The following HSPA12A variants were observed in gnomAD, a reference collection of about 807,000 sequenced individuals.
HSPA12A encodes heat shock 70 kDa protein 12A.
A neutral mutation model predicts 69.2 loss-of-function variants in HSPA12A; 28 were observed. The ratio of observed to expected loss-of-function variants is 0.40; its 90% confidence interval spans 0.30 to 0.55. The LOEUF (loss-of-function observed/expected upper bound fraction) is 0.55. HSPA12A is among the 20% of genes least tolerant of loss of function. HSPA12A has a pLI of 0.38. For synonymous variants in HSPA12A, 345 were observed against 370.5 expected (o/e 0.93, Z 0.79); for missense variants, 686 against 900.7 (o/e 0.76, Z 3.05).
chr10:116,731,257 A>G (rs1004155), intron 1 of HSPA12A, among the ~76,000 whole-genome samples: 147,111 of 152,308 alleles, frequency 0.97, 71,267 homozygotes, highest in East Asian at 1. Context: ...TTCTCTGGCC[A>G]GAGGAAGCCA....
At chr10:116,745,584 C>T (rs1209931564), upstream of HSPA12A, among the ~76,000 whole-genome samples, 1 of 152,194 alleles carries the variant, frequency 6.6e-6, no homozygotes, top group Non-Finnish European at 1.5e-5. Flanking sequence ...AGCCAAGTGA[C>T]CACCTTCTAG....
intron 6 of HSPA12A, among the ~76,000 whole-genome samples, 163 bp from the exon 7 acceptor site, chr10:116,684,125 C>T (rs142569451): frequency 1.2e-3 from 186 of 152,256 alleles, no homozygotes; most frequent in African/African-American, 4.4e-3. Flanking sequence ...CAGGGTGCCT[C>T]GGTACTGGGC....
chr10:116,704,377 G>A (rs61872838), intron 3 of HSPA12A, among the ~76,000 whole-genome samples: 1 of 150,654 alleles, frequency 6.6e-6, no homozygotes, highest in Non-Finnish European at 1.5e-5. Context: ...ACCAAACACC[G>A]CATGTTCTCA....
rs782642616 is a variant in HSPA12A at position 116,681,304 on chromosome 10, TCTGAAACAAG to T, written c.923-58_923-49del. ...TTACACAGACTGTTTGCCAACCCCA[TCTGAAACAAG>T]CTTGTGGGTGGTAACTAGGTAGACC... On this transcript the variant is annotated intron_variant, in intron 8 of 11. Coordinates refer to ENST00000369209, the MANE Select transcript of HSPA12A (RefSeq NM_025015.3). 2.0e-6 allele frequency: 3 copies of T among 1,494,176 alleles called. No individual in the cohort carries two copies. The Admixed American group carries it at 5.0e-5, about 25-fold the overall frequency. 92.6% of individuals were successfully genotyped at this position (1,494,176 alleles called of 1,614,324 possible).
At chr10:116,823,754 A>C (rs1845449046) in intron 2 of HSPA12A, among the ~76,000 whole-genome samples, 1 of 152,230 alleles carries the variant, frequency 6.6e-6, no homozygotes, top group Admixed American at 6.5e-5. Context: ...TTCTAAATGC[A>C]CAAAAAGCCG....
chr10:116,797,810 G>A (rs7904582), intron 2 of HSPA12A, among the ~76,000 whole-genome samples: 2,459 of 152,196 alleles, frequency 0.016, 63 homozygotes, highest in African/African-American at 0.053. Context: ...CAGTGCAACA[G>A]GAACACACAG....
At chr10:116,709,593 A>G (rs1850365265) in intron 1 of HSPA12A, among the ~76,000 whole-genome samples, 1 of 152,222 alleles carries the variant, frequency 6.6e-6, no homozygotes, top group Non-Finnish European at 1.5e-5. Context: ...AAATACATGG[A>G]TGCAAAAGGA....
chr10:116,835,137 G>T, intron 1 of HSPA12A: 1 of 511,992 alleles, frequency 2.0e-6, no homozygotes, highest in Non-Finnish European at 2.9e-6. Flanking sequence ...CCCGGCAGGA[G>T]GGAAGCAAAG....
At chr10:116,788,140 GTC>G (rs1411556849) in intron 2 of HSPA12A, among the ~76,000 whole-genome samples, 7 of 152,286 alleles carry the variant, frequency 4.6e-5, no homozygotes, top group Admixed American at 2.6e-4. Context: ...CGTACATCCT[GTC>G]TCTACTCTGG....
chr10:116,822,689 T>A (rs1202849445), intron 2 of HSPA12A, among the ~76,000 whole-genome samples: 2 of 152,208 alleles, frequency 1.3e-5, no homozygotes, highest in Non-Finnish European at 2.9e-5. Flanking sequence ...CAAGCCTCTA[T>A]CCTTTGCAAA....
At chr10:116,799,817 ACTCC>A (rs1428420048) in intron 2 of HSPA12A, among the ~76,000 whole-genome samples, 1 of 151,846 alleles carries the variant, frequency 6.6e-6, no homozygotes, top group African/African-American at 2.4e-5. Flanking sequence ...TGAGCAACCC[ACTCC>A]CCTTCATTCA....
intron 1 of HSPA12A, among the ~76,000 whole-genome samples, chr10:116,722,380 G>A (rs1414271148): frequency 2.0e-5 from 3 of 152,166 alleles, no homozygotes; most frequent in Non-Finnish European, 2.9e-5. Context: ...ACACCCACAC[G>A]AGCCCACGGC....
chr10:116,827,866 G>T (rs1257713398), intron 2 of HSPA12A, among the ~76,000 whole-genome samples: 2 of 152,166 alleles, frequency 1.3e-5, no homozygotes, highest in Non-Finnish European at 2.9e-5. Flanking sequence ...TGCGGCAGAC[G>T]GTGGAAGCCA....
Position 116,679,635 on chromosome 10 carries a change from G to T in HSPA12A, c.1154C>A (p.Ala385Glu). Residue 385 changes from alanine to glutamate, a missense_variant, in exon 10 of 12, where the codon GCG (alanine) becomes GAG (glutamate). Coordinates refer to ENST00000369209, the MANE Select transcript of HSPA12A (RefSeq NM_025015.3). ...AGCCGCCCTTTTGCGAGACTCAAAC[G>T]CAATCATTAAGTCAACCCAGGCTGC... ...RPAAWVDLMI[A>E]FESRKRAAAP... 1 of 1,614,214 alleles carries T rather than the reference G, an allele frequency of 6.2e-7. No individual in the cohort carries two copies. Among genetic ancestry groups the T allele is most frequent in the Non-Finnish European group, 8.5e-7 (1 of 1,180,034 alleles).
rs1849060219 is a variant in HSPA12A, at chr10:116,671,201, G to A, written c.*3580C>T. ...AAAAATCTGGGCCACATGAGATTCAGAGTTTTGCTTTATTAGGCGTCTGTG... is the reference window on the plus strand; with the variant it reads ...AAAAATCTGGGCCACATGAGATTCAAAGTTTTGCTTTATTAGGCGTCTGTG... On this transcript the variant is annotated 3_prime_UTR_variant, in exon 12 of 12. Coordinates refer to ENST00000369209, the MANE Select transcript of HSPA12A (RefSeq NM_025015.3). The A allele has an allele frequency of 6.6e-6, 1 of 152,244 alleles. No individual in the cohort carries two copies. Among genetic ancestry groups the A allele is most frequent in the Non-Finnish European group, 1.5e-5 (1 of 68,054 alleles). The allele number at this position is 152,244 out of a possible 1,614,324, so 9.4% of individuals were successfully genotyped here.
At position 116,675,437 on chromosome 10, in the gene HSPA12A, G is replaced by A; in HGVS notation, c.1391-19C>T. On this transcript the variant is annotated intron_variant, in intron 11 of 11. Transcript: ENST00000369209. The surrounding 1 kb of genome is among the most constrained non-coding windows in gnomAD (Gnocchi z 5.2). ...AGGTCCCCTGGAAGGGAAGAGGCAGGGAGAATGTCCTGTCACCAAAAGCCA... is the reference window on the plus strand; with the variant it reads ...AGGTCCCCTGGAAGGGAAGAGGCAGAGAGAATGTCCTGTCACCAAAAGCCA... 3 of 1,550,046 alleles carry A rather than the reference G, an allele frequency of 1.9e-6. No individual in the cohort carries two copies. Among genetic ancestry groups the A allele is most frequent in the Non-Finnish European group, 2.6e-6 (3 of 1,148,666 alleles).
At chr10:116,701,664 A>G (rs1409000928) in intron 3 of HSPA12A, among the ~76,000 whole-genome samples, 1 of 152,208 alleles carries the variant, frequency 6.6e-6, no homozygotes, top group East Asian at 1.9e-4. Context: ...TGGATCTCAA[A>G]GGAGGGAAGG....
At chr10:116,793,591 CA>C (rs905041417) in intron 2 of HSPA12A, among the ~76,000 whole-genome samples, 7 of 114,480 alleles carry the variant, frequency 6.1e-5, no homozygotes, top group African/African-American at 2.0e-4. Flanking sequence ...AACAAACAAA[CA>C]AAAAAAACCC....
At chr10:116,848,200 ATT>A (rs988425841) in intron 1 of HSPA12A, among the ~76,000 whole-genome samples, 1 of 152,236 alleles carries the variant, frequency 6.6e-6, no homozygotes, top group Non-Finnish European at 1.5e-5. Flanking sequence ...ACAGACTCAG[ATT>A]CTACCGTCAG....
Sources: gnomAD v4.1 joint callset for allele counts (sites outside exome capture counted in the v4.1 genomes callset) on GRCh38, gnomAD v4.1.1 for gene constraint, Gnocchi (gnomAD v3.1) non-coding constraint, MANE v1.5 for transcripts, NCBI Gene and HGNC (gene_info 2026-07-23, HGNC 2026-07-21) for gene names.